The following TET2 variants were observed in gnomAD, a reference collection of about 807,000 sequenced individuals.
TET2 encodes the protein methylcytosine dioxygenase TET2.
A neutral mutation model predicts 142.9 loss-of-function variants in TET2; 299 were observed. That is an observed-to-expected ratio of 2.09 (90% CI 1.90 to 2.30). The LOEUF (loss-of-function observed/expected upper bound fraction) is 2.30, where lower values mean the gene tolerates loss of function less well. TET2 is among the 30% of genes most tolerant of loss of function. The pLI, the probability that TET2 is intolerant of heterozygous loss-of-function variation, is 0.00. For missense variants in TET2, 2,418 were observed against 2,378.0 expected (o/e 1.02, Z -0.35); for synonymous variants, 819 against 849.0 (o/e 0.96, Z 0.61).
intron 2 of TET2, among the ~76,000 whole-genome samples, chr4:105,211,584 TGA>T (rs2110546562): frequency 1.3e-5 from 2 of 152,174 alleles, no homozygotes; most frequent in South Asian, 4.2e-4. Flanking sequence ...GTCCCTAAAG[TGA>T]GAGTGTCCTA....
At chr4:105,148,373 A>G (rs1723140004) in intron 1 of TET2, among the ~76,000 whole-genome samples, 1 of 152,202 alleles carries the variant, frequency 6.6e-6, no homozygotes, top group Non-Finnish European at 1.5e-5. Flanking sequence ...TGAAATATTT[A>G]TATATTTACG....
intron 1 of TET2, among the ~76,000 whole-genome samples, chr4:105,187,995 C>T (rs569294807): frequency 1.3e-5 from 2 of 152,292 alleles, no homozygotes; most frequent in South Asian, 2.1e-4. Flanking sequence ...CCAGTAGTTT[C>T]GCTCTTAGGG....
At chr4:105,182,107 T>C (rs1266756803) in intron 1 of TET2, among the ~76,000 whole-genome samples, 1 of 152,236 alleles carries the variant, frequency 6.6e-6, no homozygotes, top group African/African-American at 2.4e-5. Flanking sequence ...CCAAAGTTAA[T>C]AGTTACATTT....
chr4:105,232,434 G>A (rs1339702185), intron 2 of TET2, among the ~76,000 whole-genome samples: 5 of 152,162 alleles, frequency 3.3e-5, no homozygotes, highest in Admixed American at 6.5e-5. Flanking sequence ...TGAAATTACC[G>A]CACTGCTTTC....
intron 4 of TET2, 83 bp downstream of exon 4, chr4:105,241,512 A>G: frequency 6.7e-7 from 1 of 1,492,518 alleles, no homozygotes; most frequent in East Asian, 2.5e-5. Flanking sequence ...CACACAAAGC[A>G]GTAAACAATT....
chr4:105,252,068 C>A (rs1278900578), intron 6 of TET2, among the ~76,000 whole-genome samples: 1 of 152,114 alleles, frequency 6.6e-6, no homozygotes, highest in Admixed American at 6.5e-5. Flanking sequence ...TAGAGTTCAC[C>A]TTTGGTGTTA....
chr4:105,206,781 C>G (rs549261103), intron 2 of TET2, among the ~76,000 whole-genome samples: 72 of 152,212 alleles, frequency 4.7e-4, no homozygotes, highest in African/African-American at 1.6e-3. Context: ...GCTTAGATAT[C>G]TGCTCATATG....
chr4:105,264,615 G>A (rs1309496125), intron 8 of TET2, among the ~76,000 whole-genome samples: 1 of 152,176 alleles, frequency 6.6e-6, no homozygotes, highest in Admixed American at 6.6e-5. Flanking sequence ...ATGTGTTGAT[G>A]TAATGTCTAG....
intron 1 of TET2, among the ~76,000 whole-genome samples, chr4:105,159,319 G>C (rs1474350314): frequency 1.3e-5 from 2 of 148,514 alleles, no homozygotes; most frequent in Non-Finnish European, 3.0e-5. Flanking sequence ...GTGGCGCCGC[G>C]ATCTCGGCTC....
chr4:105,151,674 CAATAAA>C (rs748184270), intron 1 of TET2, among the ~76,000 whole-genome samples: 31 of 151,516 alleles, frequency 2.0e-4, no homozygotes, highest in East Asian at 3.9e-4. Flanking sequence ...TGTCTCTATT[CAATAAA>C]AATAAAAATA....
intron 1 of TET2, among the ~76,000 whole-genome samples, chr4:105,175,224 A>G (rs1724713042): frequency 6.6e-6 from 1 of 152,224 alleles, no homozygotes; most frequent in African/African-American, 2.4e-5. Flanking sequence ...GTTTGAAGAC[A>G]CTGAATAAGC....
chr4:105,254,436 G>T (rs1268898540), intron 6 of TET2, among the ~76,000 whole-genome samples: 1 of 152,012 alleles, frequency 6.6e-6, no homozygotes, highest in Non-Finnish European at 1.5e-5. Flanking sequence ...TTTGAGACAG[G>T]GTCTCACTCT....
rs375776840 is a variant in TET2 at position 105,275,541 on chromosome 4, A to C, written c.5031A>C (p.Thr1677=). 5 of 1,551,514 alleles carry C rather than the reference A, an allele frequency of 3.2e-6. No individual in the cohort carries two copies. In the African/African-American group the frequency reaches 6.8e-5, roughly 21 times the overall value. ...LSKLSLPPIH[T]LYQPRFGNSQ... ...AGCTCAGTCTACCACCCATCCATAC[A>C]CTTTACCAGCCAAGGTTTGGAAATA... The change falls in exon 11 of 11, where the codon ACA becomes ACC. Residue 1677 remains threonine, a synonymous_variant. Coordinates refer to ENST00000380013, the MANE Select transcript of TET2 (RefSeq NM_001127208.3).
In TET2 at chr4:105,271,608, A is replaced by G. The variant is rs371043197; in HGVS notation, c.4183-956A>G. ...AGAAAGTGACAGGCTCATTAATACC[A>G]TCTCATGTTGAAGTTATTTCTAAAG... On this transcript the variant is annotated intron_variant, in intron 9 of 10. Transcript: ENST00000380013. Among the ~76,000 whole-genome samples, 11 of 152,302 alleles carry G rather than the reference A, an allele frequency of 7.2e-5. 1 individual carries two copies. Among genetic ancestry groups the G allele is most frequent in the African/African-American group, 2.6e-4 (11 of 41,580 alleles).
intron 2 of TET2, among the ~76,000 whole-genome samples, chr4:105,214,301 A>ATTT (rs35390923): frequency 0.12 from 10,386 of 85,870 alleles, 1,231 homozygotes; most frequent in East Asian, 0.14. Context: ...CCCGAGGGAG[A>ATTT]TTTTTTTTTT....
chr4:105,251,729 T>G (rs1729879943), intron 6 of TET2, among the ~76,000 whole-genome samples: 1 of 152,210 alleles, frequency 6.6e-6, no homozygotes, highest in African/African-American at 2.4e-5. Flanking sequence ...AGAGTAATTC[T>G]GAGTTCACAA....
rs1303894674 is a variant in TET2, at chr4:105,279,041, CTT to C, written c.*2525_*2526del. On this transcript the variant is annotated 3_prime_UTR_variant, in exon 11 of 11. Coordinates refer to ENST00000380013, the MANE Select transcript of TET2 (RefSeq NM_001127208.3). ...TATTGGTCAAATCTTTGTAAGCTGGCTTTTGTCTTTTTAAAAAATTTCTTGAA... is the reference window on the plus strand; with the variant it reads ...TATTGGTCAAATCTTTGTAAGCTGGCTTGTCTTTTTAAAAAATTTCTTGAA... The C allele has an allele frequency of 4.3e-6, 1 of 232,636 alleles. No individual in the cohort carries two copies. The highest frequency in any genetic ancestry group is 2.2e-5 in the African/African-American group (1 of 45,300). The allele number at this position is 232,636 out of a possible 1,614,324, so 14.4% of individuals were successfully genotyped here.
intron 4 of TET2, chr4:105,242,552 TTG>T: frequency 8.5e-7 from 1 of 1,172,380 alleles, no homozygotes; most frequent in South Asian, 3.5e-5. Flanking sequence ...ATTTTGTGCT[TTG>T]TGAAATTTTA....
intron 3 of TET2, chr4:105,238,720 C>T (rs1729101231): frequency 4.1e-6 from 1 of 240,998 alleles, no homozygotes; most frequent in African/African-American, 2.2e-5. Flanking sequence ...CAAAGTAATC[C>T]ATGAGGGTTG....
Sources: allele counts gnomAD v4.1 joint callset (sites outside exome capture counted in the v4.1 genomes callset), GRCh38; gene constraint gnomAD v4.1.1; transcripts MANE v1.5; gene names NCBI Gene and HGNC (gene_info 2026-07-23, HGNC 2026-07-21).